The following INVS variants were observed in gnomAD, a reference collection of about 807,000 sequenced individuals.
INVS encodes the protein inversin.
Under a neutral mutation model 108.8 loss-of-function variants are expected in INVS, and 86 were observed. That is an observed-to-expected ratio of 0.79 (90% CI 0.66 to 0.95). The LOEUF (loss-of-function observed/expected upper bound fraction) is 0.95, where lower values mean the gene tolerates loss of function less well. Among genes scored for constraint, INVS ranks in the 40% least tolerant of loss-of-function variants. The pLI is 0.00. For missense variants in INVS, 1,169 were observed against 1,297.4 expected, an observed-to-expected ratio of 0.90 and a Z score of 1.52; for synonymous variants, 455 against 473.5, an observed-to-expected ratio of 0.96 and a Z score of 0.51.
chr9:100,133,494 GA>G (rs1404641755), intron 3 of INVS, among the ~76,000 whole-genome samples: 1 of 151,946 alleles, frequency 6.6e-6, no homozygotes, highest in Non-Finnish European at 1.5e-5. Context: ...TCTTCATGTT[GA>G]AACATGTAGC....
Position 100,238,978 on chromosome 9 carries a change from C to G in INVS, c.616-1082C>G, listed in dbSNP as rs946698849. The stretch of plus-strand genomic sequence containing the variant: ...AACCATAAGGGAAAAATGCAGTAAG[C>G]TTGATAATACCAAATGATTAATTTC... On this transcript the variant is annotated intron_variant, in intron 5 of 16. Coordinates refer to ENST00000262457, the MANE Select transcript of INVS (RefSeq NM_014425.5). Among the ~76,000 whole-genome samples, 7 of 152,280 alleles carry G rather than the reference C, an allele frequency of 4.6e-5. No individual in the cohort carries two copies. In the East Asian group the frequency reaches 1.2e-3, roughly 25 times the overall value.
intron 3 of INVS, among the ~76,000 whole-genome samples, chr9:100,141,869 G>A (rs887481447): frequency 4.6e-5 from 7 of 152,180 alleles, no homozygotes; most frequent in South Asian, 2.1e-4. Flanking sequence ...ATGAAATGAC[G>A]ACAGAATAGA....
At chr9:100,247,615 C>A (rs1832085621) in intron 8 of INVS, among the ~76,000 whole-genome samples, 1 of 151,820 alleles carries the variant, frequency 6.6e-6, no homozygotes, top group African/African-American at 2.4e-5. Context: ...TTTTTCTTGG[C>A]CACCAAAACT....
chr9:100,258,898 C>T (rs866280909), intron 10 of INVS, among the ~76,000 whole-genome samples: 17 of 152,208 alleles, frequency 1.1e-4, no homozygotes, highest in South Asian at 4.1e-4. Flanking sequence ...TGTCCATTCT[C>T]AGATCTCAAA....
intron 3 of INVS, among the ~76,000 whole-genome samples, chr9:100,210,904 CT>C (rs1012174116): frequency 2.0e-5 from 3 of 150,792 alleles, no homozygotes; most frequent in African/African-American, 4.9e-5. Context: ...TGGGAACAGA[CT>C]TTTTTTTTAA....
chr9:100,142,194 A>T (rs1828454328), intron 3 of INVS, among the ~76,000 whole-genome samples: 1 of 152,090 alleles, frequency 6.6e-6, no homozygotes, highest in South Asian at 2.1e-4. Context: ...ATGATAGAGG[A>T]CCCTTGTTTA....
At chr9:100,109,416 T>C (rs1827272649) in intron 2 of INVS, among the ~76,000 whole-genome samples, 1 of 152,240 alleles carries the variant, frequency 6.6e-6, no homozygotes, top group East Asian at 1.9e-4. Context: ...GCTTCAGATG[T>C]CTCAATATGA....
At position 100,246,609 on chromosome 9, in the gene INVS, C is replaced by A. The variant is rs1299007196; in HGVS notation, c.907-7C>A. 8.7e-6 allele frequency: 14 copies of A among 1,609,876 alleles called. No individual in the cohort carries two copies. Among genetic ancestry groups the A allele is most frequent in the Non-Finnish European group, 1.2e-5 (14 of 1,176,342 alleles). ...GTCTCCATTTTTTAAATCAAGTTTT[C>A]TTACAGGAAACGGTTAAAGTGTTTT... On this transcript the variant is annotated splice_region_variant and splice_polypyrimidine_tract_variant and intron_variant, in intron 7 of 16. Transcript: ENST00000262457.
At chr9:100,295,235 A>T (rs2806702) in intron 14 of INVS, among the ~76,000 whole-genome samples, 46,191 of 152,070 alleles carry the variant, frequency 0.3, 8,107 homozygotes, top group Non-Finnish European at 0.41. Flanking sequence ...TCCTGTCAGT[A>T]AGTGACCAGA....
At position 100,127,721 on chromosome 9, in the gene INVS, C is replaced by T. The variant is rs80265057; in HGVS notation, c.273+1172C>T. ...TACTACTGAATATGCTAGTTATATG[C>T]GCTTCTCAGTTAGGTCTGTCAGGTT... On this transcript the variant is annotated intron_variant, in intron 3 of 16. Coordinates refer to ENST00000262457, the MANE Select transcript of INVS (RefSeq NM_014425.5). 5.3e-5 allele frequency among the ~76,000 whole-genome samples: 8 copies of T among 152,190 alleles called. No homozygotes were observed. In the East Asian group the frequency reaches 1.3e-3, roughly 26 times the overall value.
rs571684931 is a variant in INVS at position 100,298,485 on chromosome 9, CCAAGA to C, written c.3091+481_3091+485del. 180 of 240,234 alleles carry C rather than the reference CCAAGA, an allele frequency of 7.5e-4. 1 individual carries two copies. The highest frequency in any genetic ancestry group is 4.1e-3 in the African/African-American group (176 of 43,094). The allele number at this position is 240,234 out of a possible 1,614,324, so 14.9% of individuals were successfully genotyped here. A position where few individuals can be genotyped will look rare whatever the true frequency, so the allele number is the denominator to read the frequency against. On this transcript the variant is annotated intron_variant, in intron 16 of 16. Transcript: ENST00000262457. ...GCTCAGGGAACTTTCTTTTCAGCCA[CCAAGA>C]CAAGAGTGTTTTACTTAGGGCCCCC...
rs575147580 is a variant in INVS, at chr9:100,158,645, A to G, written c.273+32096A>G. ...AACTATTATAATTATCATCTAGTCC[A>G]TGCTCTGGACTAAATACTTTGGGGA... On this transcript the variant is annotated intron_variant, in intron 3 of 16. Coordinates refer to ENST00000262457, the MANE Select transcript of INVS (RefSeq NM_014425.5). Among the ~76,000 whole-genome samples the G allele has an allele frequency of 7.2e-5, 11 of 152,376 alleles. No homozygotes were observed. The South Asian group carries it at 1.9e-3, about 26-fold the overall frequency.
At chr9:100,149,217 G>A (rs1337298647) in intron 3 of INVS, among the ~76,000 whole-genome samples, 1 of 152,182 alleles carries the variant, frequency 6.6e-6, no homozygotes, top group Non-Finnish European at 1.5e-5. Flanking sequence ...TAGCGAATGG[G>A]TATCTGAAGA....
intron 3 of INVS, among the ~76,000 whole-genome samples, chr9:100,178,272 G>A (rs952350273): frequency 6.6e-6 from 1 of 152,176 alleles, no homozygotes; most frequent in African/African-American, 2.4e-5. Flanking sequence ...ACTGGACAGA[G>A]AATGAGTTTG....
chr9:100,191,222 A>G (rs1830211259), intron 3 of INVS, among the ~76,000 whole-genome samples: 1 of 152,090 alleles, frequency 6.6e-6, no homozygotes, highest in Admixed American at 6.6e-5. Flanking sequence ...TGGTTATCTA[A>G]ATCTCTAGCA....
intron 3 of INVS, among the ~76,000 whole-genome samples, chr9:100,225,370 G>A (rs1349566623): frequency 6.6e-6 from 1 of 152,064 alleles, no homozygotes; most frequent in African/African-American, 2.4e-5. Context: ...CTTTGAATAA[G>A]CTGCCTCTAC....
At chr9:100,245,797 CAGTG>C (rs796899610) in intron 7 of INVS, among the ~76,000 whole-genome samples, 26 of 152,226 alleles carry the variant, frequency 1.7e-4, no homozygotes, top group African/African-American at 5.1e-4. Flanking sequence ...ACAAAAAACA[CAGTG>C]AGAGAATGCA....
intron 3 of INVS, among the ~76,000 whole-genome samples, chr9:100,180,645 G>C (rs1386131790): frequency 1.3e-5 from 2 of 151,876 alleles, no homozygotes; most frequent in African/African-American, 4.8e-5. Flanking sequence ...TAATAGCCTA[G>C]CAACCTCCAA....
At chr9:100,198,264 A>ATTTTTTTTTTTTTTTTTTTTTTTTTTTT (rs66710233) in intron 3 of INVS, among the ~76,000 whole-genome samples, 1 of 65,284 alleles carries the variant, frequency 1.5e-5, no homozygotes, top group African/African-American at 6.0e-5. Flanking sequence ...GAGGGCTAGA[A>ATTTTTTTTTTTTTTTTTTTTTTTTTTTT]TTTTTTTTTT....
Sources: allele counts gnomAD v4.1 joint callset (sites outside exome capture counted in the v4.1 genomes callset), GRCh38; gene constraint gnomAD v4.1.1; transcripts MANE v1.5; gene names NCBI Gene and HGNC (gene_info 2026-07-23, HGNC 2026-07-21).